DCLK1: variants seen among roughly 807,000 people sequenced by gnomAD.
DCLK1 encodes serine/threonine-protein kinase DCLK1.
In DCLK1, 16 loss-of-function variants were observed where a neutral mutation model predicts 86.2. The observed-to-expected ratio is 0.19, with a 90% CI of 0.13 to 0.28. DCLK1 has a LOEUF of 0.28. Among genes scored for constraint, DCLK1 ranks in the 10% least tolerant of loss-of-function variants. The pLI is 1.00. For missense variants in DCLK1, 590 were observed against 940.2 expected, an observed-to-expected ratio of 0.63 and a Z score of 4.87; for synonymous variants, 369 against 370.5, an observed-to-expected ratio of 1.00 and a Z score of 0.05.
intron 4 of DCLK1, among the ~76,000 whole-genome samples, chr13:35,920,311 C>T (rs1035586442): frequency 1.3e-5 from 2 of 152,148 alleles, no homozygotes; most frequent in African/African-American, 4.8e-5. Context: ...ATGCACATAG[C>T]ATCACGGAAG....
chr13:35,924,549 G>C (rs1400537944), intron 4 of DCLK1, among the ~76,000 whole-genome samples: 1 of 152,212 alleles, frequency 6.6e-6, no homozygotes, highest in Non-Finnish European at 1.5e-5. Context: ...CTACTCAGGA[G>C]GCTGAGGCAG....
chr13:36,100,179 C>CAAAAAAAAAAAAAAAA lies in DCLK1; in HGVS notation c.723+11674_723+11689dup, dbSNP rs58824322. Among the ~76,000 whole-genome samples the CAAAAAAAAAAAAAAAA allele has an allele frequency of 1.3e-4, 5 of 37,686 alleles. 1 individual carries two copies. The highest frequency in any genetic ancestry group is 5.6e-4 in the Admixed American group (1 of 1,784). 24.7% of individuals were successfully genotyped at this position (37,686 alleles called of 152,430 possible). On this transcript the variant is annotated intron_variant, in intron 3 of 16. Transcript: ENST00000360631. ...ACAACAGGGCAAAACCCTGTCTCTA[C>CAAAAAAAAAAAAAAAA]AAAAAAAAAAAAAAAAAAAAAAAAA...
At chr13:35,826,554 A>AGGAGGGAGGGAGGGAGGGAGGGAG (rs1555342394) in intron 10 of DCLK1, among the ~76,000 whole-genome samples, 1 of 27,860 alleles carries the variant, frequency 3.6e-5, no homozygotes, top group Non-Finnish European at 1.3e-4. Flanking sequence ...AAAGAAAGAA[A>AGGAGGGAGGGAGGGAGGGAGGGAG]GAAAGAAACA....
chr13:35,978,045 G>C (rs1047600305), intron 3 of DCLK1, among the ~76,000 whole-genome samples: 13 of 151,928 alleles, frequency 8.6e-5, no homozygotes, highest in Admixed American at 2.0e-4. Flanking sequence ...AAATATTAAG[G>C]AAGTATTACT....
At chr13:35,850,330 T>A (rs1409544809) in intron 6 of DCLK1, 3 of 988,122 alleles carry the variant, frequency 3.0e-6, no homozygotes, top group Middle Eastern at 5.1e-4. Flanking sequence ...ACAGAAAAAT[T>A]ATATCTCTAT....
intron 4 of DCLK1, among the ~76,000 whole-genome samples, chr13:35,910,643 G>C (rs1003306031): frequency 6.6e-6 from 1 of 152,152 alleles, no homozygotes; most frequent in African/African-American, 2.4e-5. Context: ...TAGACCTACA[G>C]TGAAAACTAG....
rs560069683 is a variant in DCLK1 at position 35,778,037 on chromosome 13, A to G, written c.2059-3338T>C. On this transcript the variant is annotated intron_variant, in intron 16 of 16. Coordinates refer to ENST00000360631, the MANE Select transcript of DCLK1 (RefSeq NM_001330071.2). ...TTTTCCACAGTTCACAGCACACAGTAGATATTCTACGAACTTTGTGGCATT... is the reference window on the plus strand; with the variant it reads ...TTTTCCACAGTTCACAGCACACAGTGGATATTCTACGAACTTTGTGGCATT... 1.1e-4 allele frequency among the ~76,000 whole-genome samples: 16 copies of G among 152,368 alleles called. No individual in the cohort carries two copies. The South Asian group carries it at 3.3e-3, about 32-fold the overall frequency.
chr13:35,976,653 C>G (rs1001243365), intron 3 of DCLK1, among the ~76,000 whole-genome samples: 2 of 151,360 alleles, frequency 1.3e-5, no homozygotes. Flanking sequence ...GCCTCAGCCT[C>G]CCAAGTAGCT....
intron 3 of DCLK1, among the ~76,000 whole-genome samples, chr13:35,982,760 C>CT (rs11350843): frequency 4.2e-4 from 64 of 151,528 alleles, no homozygotes; most frequent in East Asian, 7.8e-4. Context: ...GTGTGAATTG[C>CT]TTTTTTTTTG....
At chr13:36,027,668 G>A (rs1882098465) in intron 3 of DCLK1, among the ~76,000 whole-genome samples, 1 of 152,194 alleles carries the variant, frequency 6.6e-6, no homozygotes, top group South Asian at 2.1e-4. Flanking sequence ...TTCTATATGT[G>A]AAGAAAAATA....
At chr13:36,103,264 G>C (rs1211814400) in intron 3 of DCLK1, among the ~76,000 whole-genome samples, 1 of 151,800 alleles carries the variant, frequency 6.6e-6, no homozygotes, top group Non-Finnish European at 1.5e-5. Flanking sequence ...AGCTGGGTGT[G>C]GTGGCACGCG....
At chr13:35,894,843 C>T (rs769310714) in intron 4 of DCLK1, among the ~76,000 whole-genome samples, 22 of 152,208 alleles carry the variant, frequency 1.4e-4, no homozygotes, top group Non-Finnish European at 2.8e-4. Context: ...ACCATGACCT[C>T]TATTTTCAAA....
In DCLK1 at chr13:36,125,693, C is replaced by T. The variant is rs115221382; in HGVS notation, c.376+69G>A. 1,286 of 1,532,630 alleles carry T rather than the reference C, an allele frequency of 8.4e-4. 9 individuals carry two copies. The African/African-American group carries it at 0.015, about 17-fold the overall frequency. 94.9% of individuals were successfully genotyped at this position (1,532,630 alleles called of 1,614,324 possible). On this transcript the variant is annotated intron_variant, in intron 2 of 16. Transcript: ENST00000360631. Reference sequence around the variant, plus strand: ...CAACTGTCAGAGGGCAAATGCGAATCGGCTACAACACTGGAAATCTGAGCC... The same window carrying T: ...CAACTGTCAGAGGGCAAATGCGAATTGGCTACAACACTGGAAATCTGAGCC...
At chr13:36,119,259 A>G (rs1033542286) in intron 2 of DCLK1, among the ~76,000 whole-genome samples, 1 of 152,198 alleles carries the variant, frequency 6.6e-6, no homozygotes, top group Non-Finnish European at 1.5e-5. Flanking sequence ...AAGAGTGGTT[A>G]AAATAATGTC....
intron 5 of DCLK1, among the ~76,000 whole-genome samples, chr13:35,867,674 A>G (rs994922578): frequency 6.6e-6 from 1 of 152,150 alleles, no homozygotes; most frequent in Non-Finnish European, 1.5e-5. Flanking sequence ...ATTACTTTTC[A>G]GAAATGAATA....
At position 35,982,743 on chromosome 13, in the gene DCLK1, T is replaced by A. The variant is rs569444531; in HGVS notation, c.724-35286A>T. ...AATGATTAGGAAGGTTCAAAGTCCA[T>A]TGATTAGTGTGAATTGCTTTTTTTT... On this transcript the variant is annotated intron_variant, in intron 3 of 16. Transcript: ENST00000360631. 5.9e-5 allele frequency among the ~76,000 whole-genome samples: 9 copies of A among 152,136 alleles called. 1 individual carries two copies. In the South Asian group the frequency reaches 1.9e-3, roughly 32 times the overall value.
At chr13:35,801,278 C>A (rs2086913771) in intron 15 of DCLK1, among the ~76,000 whole-genome samples, 1 of 152,118 alleles carries the variant, frequency 6.6e-6, no homozygotes, top group South Asian at 2.1e-4. Context: ...CTTGGCCATT[C>A]ATTTGTTGTA....
At chr13:35,867,911 A>AGAGAGAGAG (rs1871938264) in intron 5 of DCLK1, among the ~76,000 whole-genome samples, 1 of 91,236 alleles carries the variant, frequency 1.1e-5, no homozygotes, top group Non-Finnish European at 2.4e-5. Flanking sequence ...AAGAAAGAAA[A>AGAGAGAGAG]AGAAAGAAAG....
At chr13:35,895,858 T>A (rs1176379865) in intron 4 of DCLK1, among the ~76,000 whole-genome samples, 1 of 152,072 alleles carries the variant, frequency 6.6e-6, no homozygotes, top group Non-Finnish European at 1.5e-5. Flanking sequence ...AAATTTTTAA[T>A]AGAAAAAACT....
Sources: allele counts gnomAD v4.1 joint callset (sites outside exome capture counted in the v4.1 genomes callset), GRCh38; gene constraint gnomAD v4.1.1; transcripts MANE v1.5; gene names NCBI Gene and HGNC (gene_info 2026-07-23, HGNC 2026-07-21).